The following MRPS27 variants were observed in gnomAD, a reference collection of about 807,000 sequenced individuals.
The protein encoded by MRPS27 is small ribosomal subunit protein mS27.
In MRPS27, 43 loss-of-function variants were observed where a neutral mutation model predicts 48.9. That is an observed-to-expected ratio of 0.88 (90% confidence interval 0.69 to 1.13). The LOEUF (loss-of-function observed/expected upper bound fraction) is 1.13. Among genes scored for constraint, MRPS27 ranks in the 50% most tolerant of loss-of-function variants. The pLI, the probability that MRPS27 is intolerant of heterozygous loss-of-function variation, is 0.00. For synonymous variants in MRPS27, 188 were observed against 171.9 expected, an observed-to-expected ratio of 1.09 and a Z score of -0.73; for missense variants, 467 against 476.3, an observed-to-expected ratio of 0.98 and a Z score of 0.18.
At chr5:72,254,138 T>C (rs548044270) in intron 4 of MRPS27, among the ~76,000 whole-genome samples, 4 of 152,174 alleles carry the variant, frequency 2.6e-5, no homozygotes, top group Admixed American at 2.0e-4. Flanking sequence ...GCTCTGATGA[T>C]TTTTCAAAAA....
intron 4 of MRPS27, among the ~76,000 whole-genome samples, chr5:72,279,913 T>G (rs1200368629): frequency 6.6e-6 from 1 of 152,226 alleles, no homozygotes; most frequent in African/African-American, 2.4e-5. Flanking sequence ...GTTCATATAT[T>G]TTGAAGTAAG....
At chr5:72,270,923 A>C (rs1442001277) in intron 4 of MRPS27, among the ~76,000 whole-genome samples, 1 of 152,218 alleles carries the variant, frequency 6.6e-6, no homozygotes, top group Non-Finnish European at 1.5e-5. Flanking sequence ...AAAAACATTT[A>C]ACAAAATTCA....
At chr5:72,319,750 T>C (rs1330050398) in intron 1 of MRPS27, among the ~76,000 whole-genome samples, 1 of 152,120 alleles carries the variant, frequency 6.6e-6, no homozygotes, top group Non-Finnish European at 1.5e-5. Context: ...TTTCGCCCTG[T>C]TGGCCAGGCT....
intron 4 of MRPS27, among the ~76,000 whole-genome samples, chr5:72,254,311 A>G (rs1450444673): frequency 6.6e-6 from 1 of 152,180 alleles, no homozygotes; most frequent in Non-Finnish European, 1.5e-5. Context: ...AAAACCTAGG[A>G]AACTAGGGAG....
At chr5:72,304,711 AAG>A (rs1184357352) in intron 2 of MRPS27, among the ~76,000 whole-genome samples, 3 of 152,236 alleles carry the variant, frequency 2.0e-5, no homozygotes, top group Admixed American at 6.5e-5. Context: ...CCTCTTAAAA[AAG>A]AGTGTGGTCT....
At chr5:72,317,274 T>C (rs73109211) in intron 1 of MRPS27, among the ~76,000 whole-genome samples, 1,672 of 152,304 alleles carry the variant, frequency 0.011, 29 homozygotes, top group African/African-American at 0.038. Context: ...ATATCTAAAT[T>C]TGAGTTCTAC....
intron 4 of MRPS27, among the ~76,000 whole-genome samples, chr5:72,291,200 C>T (rs1749810192): frequency 6.6e-6 from 1 of 152,094 alleles, no homozygotes; most frequent in South Asian, 2.1e-4. Context: ...CTAAGAAAGT[C>T]TTCTTTGTAA....
At chr5:72,257,410 T>C (rs1748839556) in intron 4 of MRPS27, among the ~76,000 whole-genome samples, 1 of 152,172 alleles carries the variant, frequency 6.6e-6, no homozygotes, top group Non-Finnish European at 1.5e-5. Context: ...AGCTGGTAAG[T>C]TTTCTGTTTC....
intron 4 of MRPS27, among the ~76,000 whole-genome samples, chr5:72,287,316 A>T (rs915523619): frequency 6.6e-6 from 1 of 152,192 alleles, no homozygotes; most frequent in Admixed American, 6.5e-5. Flanking sequence ...TCCATTAAAA[A>T]AAAAAAGTTG....
chr5:72,249,259 C>T (rs1286753999), intron 4 of MRPS27, among the ~76,000 whole-genome samples: 1 of 152,186 alleles, frequency 6.6e-6, no homozygotes, highest in Non-Finnish European at 1.5e-5. Context: ...TTGATGAGGT[C>T]AAAGCTCCTC....
chr5:72,273,419 C>T (rs2112021008), intron 4 of MRPS27, among the ~76,000 whole-genome samples: 1 of 152,296 alleles, frequency 6.6e-6, no homozygotes, highest in Admixed American at 6.5e-5. Context: ...AGGATACGTC[C>T]TCACTCTCTG....
At chr5:72,275,527 CTA>C (rs976768481) in intron 4 of MRPS27, among the ~76,000 whole-genome samples, 3 of 152,190 alleles carry the variant, frequency 2.0e-5, no homozygotes, top group African/African-American at 4.8e-5. Context: ...TAGAAAAAAA[CTA>C]TTTTAAAATT....
At chr5:72,293,721 C>T (rs142491111) in intron 4 of MRPS27, among the ~76,000 whole-genome samples, 1 of 152,324 alleles carries the variant, frequency 6.6e-6, no homozygotes, top group East Asian at 1.9e-4. Context: ...CAATTTGATG[C>T]TACAGAAGTA....
chr5:72,232,394 G>T, intron 7 of MRPS27, 49 bp downstream of exon 7: 1 of 1,414,118 alleles, frequency 7.1e-7, no homozygotes, highest in South Asian at 1.2e-5. Context: ...GCAAGCCCCT[G>T]CTTGCCTTTT....
At chr5:72,265,191 C>T (rs1183763202) in intron 4 of MRPS27, among the ~76,000 whole-genome samples, 1 of 152,130 alleles carries the variant, frequency 6.6e-6, no homozygotes, top group African/African-American at 2.4e-5. Flanking sequence ...CTGATAAGCT[C>T]GCCATTTGAT....
intron 1 of MRPS27, among the ~76,000 whole-genome samples, chr5:72,315,668 A>G (rs1266111045): frequency 1.3e-5 from 2 of 152,196 alleles, no homozygotes; most frequent in Admixed American, 1.3e-4. Context: ...TGCAAAACAA[A>G]ATCACCTGGA....
At chr5:72,316,588 C>T (rs569505985) in intron 1 of MRPS27, among the ~76,000 whole-genome samples, 5 of 151,916 alleles carry the variant, frequency 3.3e-5, no homozygotes, top group African/African-American at 4.8e-5. Context: ...AGGCTGGTCT[C>T]GAACTCCTAC....
intron 1 of MRPS27, 85 bp from the exon 2 acceptor site, chr5:72,314,243 C>T (rs1750513404): frequency 2.3e-6 from 2 of 874,020 alleles, no homozygotes; most frequent in Non-Finnish European, 3.6e-6. Flanking sequence ...CTTCACTATC[C>T]TTTCAACTAC....
At chr5:72,319,654 C>T (rs1055097173) in intron 1 of MRPS27, among the ~76,000 whole-genome samples, 2 of 150,156 alleles carry the variant, frequency 1.3e-5, no homozygotes, top group African/African-American at 2.5e-5. Context: ...AGCGATTATC[C>T]TGCCTCAGCC....
Sources: allele counts gnomAD v4.1 joint callset (sites outside exome capture counted in the v4.1 genomes callset), GRCh38; gene constraint gnomAD v4.1.1; transcripts MANE v1.5; gene names NCBI Gene and HGNC (gene_info 2026-07-23, HGNC 2026-07-21).